The following PNPLA5 variants were observed in gnomAD, a reference collection of about 807,000 sequenced individuals.
The protein encoded by PNPLA5 is patatin-like phospholipase domain-containing protein 5.
PNPLA5 carries 44 observed loss-of-function variants against 49.1 expected under a neutral mutation model. That is an observed-to-expected ratio of 0.90 (90% CI 0.70 to 1.15). The LOEUF (loss-of-function observed/expected upper bound fraction) is 1.15. Among genes scored for constraint, PNPLA5 ranks in the 50% most tolerant of loss-of-function variants. The pLI, the probability that PNPLA5 is intolerant of heterozygous loss-of-function variation, is 0.00. For synonymous variants in PNPLA5, 243 were observed against 244.4 expected, an observed-to-expected ratio of 0.99 and a Z score of 0.06; for missense variants, 603 against 564.0, an observed-to-expected ratio of 1.07 and a Z score of -0.70.
intron 6 of PNPLA5, among the ~76,000 whole-genome samples, chr22:43,885,321 C>G (rs916362251): frequency 1.3e-5 from 2 of 152,052 alleles, no homozygotes; most frequent in Non-Finnish European, 1.5e-5. Context: ...CCTTGCCCAC[C>G]CCACTCTCCC....
chr22:43,880,937 G>A (rs538712953), intron 8 of PNPLA5, 52 bp from the exon 9 acceptor site: 865 of 1,301,874 alleles, frequency 6.6e-4, no homozygotes, highest in Admixed American at 2.1e-3. Context: ...GGGAAGGGTA[G>A]GTGAAACCAC....
rs1281590400 is a variant in PNPLA5, at chr22:43,880,857, T to C, written c.1228A>G (p.Ser410Gly). Residue 410 changes from serine (S) to glycine (G), a missense_variant, in exon 9 of 9, where the codon AGC becomes GGC. Transcript: ENST00000216177. ...SPPATRVLET[S>G]PLQPQIAPHR... ...GGAGCTATCTGGGGTTGGAGGGGGC[T>C]TGTTTCCAGGACGCGAGTGGCCGGA... 7.5e-7 allele frequency: 1 copy of C among 1,339,264 alleles called. No homozygotes were observed. Among genetic ancestry groups the C allele is most frequent in the Non-Finnish European group, 9.6e-7 (1 of 1,037,096 alleles). The allele number at this position is 1,339,264 out of a possible 1,614,324, so 83.0% of individuals were successfully genotyped here. A position where few individuals can be genotyped will look rare whatever the true frequency, so the allele number is the denominator to read the frequency against.
At position 43,891,900 on chromosome 22, in the gene PNPLA5, G is replaced by T; in HGVS notation, c.-20C>A. Reference sequence around the variant, plus strand: ...GCCCATGGCGGGTGGACCGGGCGGGGTGATCGGGACGAGGAAGGGTCACTC... The same window carrying T: ...GCCCATGGCGGGTGGACCGGGCGGGTTGATCGGGACGAGGAAGGGTCACTC... On this transcript the variant is annotated 5_prime_UTR_variant, in exon 1 of 9. Coordinates refer to ENST00000216177, the MANE Select transcript of PNPLA5 (RefSeq NM_138814.4). 1 of 1,506,476 alleles carries T rather than the reference G, an allele frequency of 6.6e-7. No individual in the cohort carries two copies. Among genetic ancestry groups the T allele is most frequent in the African/African-American group, 1.4e-5 (1 of 69,320 alleles). The allele number at this position is 1,506,476 out of a possible 1,614,324, so 93.3% of individuals were successfully genotyped here.
Position 43,884,334 on chromosome 22 carries a change from C to A in PNPLA5, c.961G>T (p.Ala321Ser). The A allele has an allele frequency of 1.3e-6, 2 of 1,581,554 alleles. No individual in the cohort carries two copies. Among genetic ancestry groups the A allele is most frequent in the South Asian group, 1.2e-5 (1 of 86,592 alleles). Residue 321 changes from alanine (A) to serine (S), a missense_variant, in exon 7 of 9, where the codon GCA (alanine) becomes TCA (serine). Ala to Ser is a moderately conservative substitution (Grantham distance 99). Transcript: ENST00000216177. ...CACCGGCTGGGATCCCTCGTACATG[C>A]TTTCTTCAGTGCTGCAAGAGAAGCC... ...SPELEAALKK[A>S]CTRDPSRWAR... is the part of the protein sequence containing the mutation.
intron 7 of PNPLA5, among the ~76,000 whole-genome samples, chr22:43,883,832 GAAAGA>G (rs1459343303): frequency 2.0e-5 from 3 of 151,432 alleles, no homozygotes; most frequent in South Asian, 2.1e-4. Context: ...GAAAAGAAAA[GAAAGA>G]AAAGAGAAGA....
Position 43,886,328 on chromosome 22 carries a change from C to T in PNPLA5, c.924G>A (p.Glu308=). ...HVQVKDVPNF[E]QLSPELEAAL... is the part of the protein sequence containing the mutation. Reference sequence around the variant, plus strand: ...CAGCCTCCAGCTCTGGTGAGAGCTGCTCAAAGTTGGGTACATCCTTGACTT... The same window carrying T: ...CAGCCTCCAGCTCTGGTGAGAGCTGTTCAAAGTTGGGTACATCCTTGACTT... Residue 308 remains glutamate, a synonymous_variant, in exon 6 of 9, where the codon GAG becomes GAA. Transcript: ENST00000216177. 1 of 1,613,916 alleles carries T rather than the reference C, an allele frequency of 6.2e-7. No individual in the cohort carries two copies. Among genetic ancestry groups the T allele is most frequent in the Non-Finnish European group, 8.5e-7 (1 of 1,179,894 alleles).
chr22:43,887,899 T>TC (rs1239383471), intron 4 of PNPLA5, among the ~76,000 whole-genome samples: 6 of 152,028 alleles, frequency 3.9e-5, no homozygotes, highest in Admixed American at 6.5e-5. Flanking sequence ...CCATTGCATC[T>TC]CCCCCCTGAG....
At chr22:43,884,801 C>T (rs959686776) in intron 6 of PNPLA5, among the ~76,000 whole-genome samples, 6 of 152,214 alleles carry the variant, frequency 3.9e-5, no homozygotes, top group Non-Finnish European at 2.9e-5. Context: ...TTCCTGGGTG[C>T]TCTATTCACT....
intron 7 of PNPLA5, among the ~76,000 whole-genome samples, chr22:43,882,261 G>A (rs1022006873): frequency 2.0e-5 from 3 of 152,194 alleles, no homozygotes; most frequent in African/African-American, 7.2e-5. Flanking sequence ...CTCCATGATG[G>A]AGCCAGCCCC....
At chr22:43,891,322 C>G (rs1382751833) in intron 1 of PNPLA5, 28 bp from the exon 2 acceptor site, 1 of 1,536,828 alleles carries the variant, frequency 6.5e-7, no homozygotes, top group South Asian at 1.2e-5. Flanking sequence ...AAAGGGAGAC[C>G]TCAGCGCCCA....
intron 4 of PNPLA5, among the ~76,000 whole-genome samples, chr22:43,888,201 G>A (rs1257017697): frequency 1.3e-5 from 2 of 152,158 alleles, no homozygotes; most frequent in East Asian, 3.8e-4. Context: ...AACTCTCTGA[G>A]TGCCTCAGCT....
In PNPLA5 at chr22:43,881,598, C is replaced by G. The variant is rs1007689910; in HGVS notation, c.1159G>C (p.Val387Leu). The G allele has an allele frequency of 6.2e-7, 1 of 1,611,354 alleles. No individual in the cohort carries two copies. The highest frequency in any genetic ancestry group is 1.1e-5 in the South Asian group (1 of 90,370). The change falls in exon 8 of 9, where the codon GTT becomes CTT. Residue 387 changes from valine (V) to leucine (L), a missense_variant. By Grantham distance (32) the Val-to-Leu change is conservative (BLOSUM62 1). Coordinates refer to ENST00000216177, the MANE Select transcript of PNPLA5 (RefSeq NM_138814.4). The stretch of plus-strand genomic sequence containing the variant: ...AGCTGGGCCTTGGTCCTGGAGAAAA[C>G]CTCGAGGGCCATGTTCCTCAGCAGG... ...QGLLRNMALEVFSRTKAQLLG... is the reference protein window; with the variant it reads ...QGLLRNMALELFSRTKAQLLG...
In PNPLA5 at chr22:43,889,879, G is replaced by A. The variant is rs966754601; in HGVS notation, c.427-15C>T. 6.2e-7 allele frequency: 1 copy of A among 1,611,312 alleles called. No individual in the cohort carries two copies. Among genetic ancestry groups the A allele is most frequent in the Non-Finnish European group, 8.5e-7 (1 of 1,178,822 alleles). On this transcript the variant is annotated splice_polypyrimidine_tract_variant and intron_variant, in intron 2 of 8. Transcript: ENST00000216177. ...CAGACCAAGGCCTAGGAAGAGAAGAGTCAGCAGGAACACAACTGTGCATGC... is the reference window on the plus strand; with the variant it reads ...CAGACCAAGGCCTAGGAAGAGAAGAATCAGCAGGAACACAACTGTGCATGC...
At chr22:43,881,426 G>T in intron 8 of PNPLA5, 132 bp downstream of exon 8, 1 of 920,634 alleles carries the variant, frequency 1.1e-6, no homozygotes, top group Non-Finnish European at 1.6e-6. Flanking sequence ...GCATGAGTAG[G>T]CCAGAGGGAC....
In PNPLA5 at chr22:43,889,873, A is replaced by T. The variant is rs765566259; in HGVS notation, c.427-9T>A. 1.2e-6 allele frequency: 2 copies of T among 1,613,476 alleles called. No individual in the cohort carries two copies. Among genetic ancestry groups the T allele is most frequent in the Non-Finnish European group, 1.7e-6 (2 of 1,179,858 alleles). ...AAGGTGCAGACCAAGGCCTAGGAAG[A>T]GAAGAGTCAGCAGGAACACAACTGT... On this transcript the variant is annotated splice_polypyrimidine_tract_variant and intron_variant, in intron 2 of 8. Coordinates refer to ENST00000216177, the MANE Select transcript of PNPLA5 (RefSeq NM_138814.4).
chr22:43,884,507 C>A (rs1001544996), intron 6 of PNPLA5, 162 bp from the exon 7 acceptor site: 24 of 704,802 alleles, frequency 3.4e-5, no homozygotes, highest in African/African-American at 1.9e-5. Context: ...GGTAGCTCTG[C>A]GCTCATCGTT....
At chr22:43,891,652 C>A in intron 1 of PNPLA5, 36 bp downstream of exon 1, 1 of 1,515,462 alleles carries the variant, frequency 6.6e-7, no homozygotes. Context: ...ATTAAGCTGT[C>A]CCCGCCCCTT....
At position 43,889,816 on chromosome 22, in the gene PNPLA5, G is replaced by A. The variant is rs200690261; in HGVS notation, c.475C>T (p.Pro159Ser). The A allele has an allele frequency of 8.1e-6, 13 of 1,613,200 alleles. No individual in the cohort carries two copies. In the East Asian group the frequency reaches 8.9e-5, roughly 11 times the overall value. ...GCACTCACCTCCCCTCTGAACTCGG[G>A]GGGGATCAGCCCGCAGTAGAAAGGA... ...YFPFYCGLIP[P>S]EFRGERYIDG... The change falls in exon 3 of 9, where the codon CCC becomes TCC. Residue 159 changes from proline (P) to serine (S), a missense_variant. By Grantham distance (74) the Pro-to-Ser change is moderately conservative. Transcript: ENST00000216177.
Position 43,881,686 on chromosome 22 carries a change from G to A in PNPLA5, c.1083-12C>T, listed in dbSNP as rs1279907740. The A allele has an allele frequency of 6.2e-7, 1 of 1,613,036 alleles. No homozygotes were observed. The highest frequency in any genetic ancestry group is 8.5e-7 in the Non-Finnish European group (1 of 1,179,608). On this transcript the variant is annotated splice_polypyrimidine_tract_variant and intron_variant, in intron 7 of 8. Coordinates refer to ENST00000216177, the MANE Select transcript of PNPLA5 (RefSeq NM_138814.4). ...GCCACACCACCAACCTGGAGGAAGG[G>A]GCAGGTCAGCTTTGCCCAGGTGAGC...
Sources: allele counts gnomAD v4.1 joint callset (sites outside exome capture counted in the v4.1 genomes callset), GRCh38; gene constraint gnomAD v4.1.1; transcripts MANE v1.5; gene names NCBI Gene and HGNC (gene_info 2026-07-23, HGNC 2026-07-21).